The following TMEM117 variants were observed in gnomAD, a reference collection of about 807,000 sequenced individuals.
TMEM117 encodes transmembrane protein 117.
TMEM117 carries 27 observed loss-of-function variants against 52.4 expected under a neutral mutation model. That is an observed-to-expected ratio of 0.51 (90% confidence interval 0.38 to 0.71). The LOEUF is 0.71. TMEM117 is among the 30% of genes least tolerant of loss of function. The pLI, the probability that TMEM117 is intolerant of heterozygous loss-of-function variation, is 0.00. For missense variants in TMEM117, 556 were observed against 630.5 expected (o/e 0.88, Z 1.26); for synonymous variants, 215 against 206.3 (o/e 1.04, Z -0.36).
At chr12:44,144,738 A>T (rs1048428475) in intron 4 of TMEM117, among the ~76,000 whole-genome samples, 4 of 152,228 alleles carry the variant, frequency 2.6e-5, no homozygotes, top group African/African-American at 9.6e-5. Flanking sequence ...ATGTTAACAG[A>T]TTACTGTATG....
intron 3 of TMEM117, among the ~76,000 whole-genome samples, chr12:44,087,718 G>A (rs991469123): frequency 3.9e-5 from 6 of 152,066 alleles, no homozygotes; most frequent in Non-Finnish European, 7.4e-5. Flanking sequence ...ACCCTCCTCG[G>A]CTTTCCAAAG....
chr12:44,262,704 A>G (rs1950333905), intron 5 of TMEM117, among the ~76,000 whole-genome samples: 1 of 152,210 alleles, frequency 6.6e-6, no homozygotes, highest in African/African-American at 2.4e-5. Context: ...CTCCTGCCTC[A>G]GCCTCCTGAG....
chr12:44,344,306 C>T (rs1056056153), intron 6 of TMEM117, among the ~76,000 whole-genome samples: 7 of 152,106 alleles, frequency 4.6e-5, no homozygotes, highest in African/African-American at 1.7e-4. Flanking sequence ...ACTGAACAGA[C>T]ACCCAGGGCT....
chr12:44,351,698 C>T (rs182570843), intron 6 of TMEM117, among the ~76,000 whole-genome samples: 7 of 151,784 alleles, frequency 4.6e-5, no homozygotes, highest in African/African-American at 1.4e-4. Context: ...TATAGAAATC[C>T]GATTTGAGTT....
chr12:44,144,943 G>A (rs1449941222), intron 4 of TMEM117, among the ~76,000 whole-genome samples: 3 of 152,166 alleles, frequency 2.0e-5, no homozygotes, highest in African/African-American at 7.2e-5. Context: ...GGATCATGAG[G>A]TCAGGAGATC....
At chr12:44,367,057 G>A (rs2138824446) in intron 6 of TMEM117, among the ~76,000 whole-genome samples, 1 of 152,258 alleles carries the variant, frequency 6.6e-6, no homozygotes, top group Non-Finnish European at 1.5e-5. Context: ...AATATTAAAA[G>A]GGAATCTCAC....
At chr12:44,318,101 G>A (rs78351539) in intron 6 of TMEM117, among the ~76,000 whole-genome samples, 7,309 of 152,278 alleles carry the variant, frequency 0.048, 361 homozygotes, top group African/African-American at 0.12. Flanking sequence ...TCCTGGGCAT[G>A]TAGCATAGGG....
chr12:43,946,377 TG>T (rs1443167553), intron 3 of TMEM117, among the ~76,000 whole-genome samples: 395 of 19,742 alleles, frequency 0.02, 9 homozygotes, highest in East Asian at 0.17. Flanking sequence ...GATATAATTC[TG>T]TTTTTTTTTT....
intron 3 of TMEM117, among the ~76,000 whole-genome samples, chr12:43,996,383 C>G (rs1946030235): frequency 6.6e-6 from 1 of 152,116 alleles, no homozygotes; most frequent in Non-Finnish European, 1.5e-5. Flanking sequence ...GTGGCTCACA[C>G]CTGTAATCCC....
intron 2 of TMEM117, among the ~76,000 whole-genome samples, chr12:43,910,187 A>G (rs547275158): frequency 6.6e-6 from 1 of 150,872 alleles, no homozygotes; most frequent in African/African-American, 2.4e-5. Context: ...AGGCTGGTTC[A>G]ATATATGCAA....
At chr12:44,291,991 C>A (rs556862804) in intron 5 of TMEM117, among the ~76,000 whole-genome samples, 12 of 151,976 alleles carry the variant, frequency 7.9e-5, no homozygotes, top group Admixed American at 2.0e-4. Flanking sequence ...CAGAATAATG[C>A]TAGCTTCTTA....
the TMEM117 span, among the ~76,000 whole-genome samples, chr12:43,798,985 GAGTTCATAGA>G: frequency 9.0e-4 from 137 of 152,130 alleles, no homozygotes; most frequent in Admixed American, 2.6e-3. Flanking sequence ...TATTCAAGTA[GAGTTCATAGA>G]AGTTAATTTG....
At chr12:44,208,392 G>T (rs528998222) in intron 4 of TMEM117, among the ~76,000 whole-genome samples, 70 of 152,202 alleles carry the variant, frequency 4.6e-4, no homozygotes, top group Non-Finnish European at 6.3e-4. Context: ...AGAAAGATTT[G>T]CAATTTCAAA....
chr12:44,029,541 G>A (rs1946599011), intron 3 of TMEM117, among the ~76,000 whole-genome samples: 2 of 152,160 alleles, frequency 1.3e-5, no homozygotes, highest in African/African-American at 4.8e-5. Context: ...AGTGTTGGCT[G>A]CAATGGGGGG....
At chr12:43,901,705 C>T (rs920492260) in intron 2 of TMEM117, among the ~76,000 whole-genome samples, 11 of 152,242 alleles carry the variant, frequency 7.2e-5, no homozygotes, top group Middle Eastern at 3.4e-3. Flanking sequence ...AGCATCACAG[C>T]GCTACTAACC....
chr12:43,990,143 T>A (rs1945914283), intron 3 of TMEM117, among the ~76,000 whole-genome samples: 1 of 152,146 alleles, frequency 6.6e-6, no homozygotes, highest in Admixed American at 6.5e-5. Context: ...TAAAGATAGT[T>A]CTTGAAGTAG....
intron 3 of TMEM117, among the ~76,000 whole-genome samples, chr12:44,084,273 T>C (rs1947530565): frequency 6.6e-6 from 1 of 152,180 alleles, no homozygotes; most frequent in African/African-American, 2.4e-5. Flanking sequence ...ATTTATATTA[T>C]ACTTGTACTT....
intron 3 of TMEM117, among the ~76,000 whole-genome samples, chr12:44,036,599 G>A (rs1252747692): frequency 1.3e-5 from 2 of 152,132 alleles, no homozygotes; most frequent in African/African-American, 4.8e-5. Context: ...GTATTCTGTT[G>A]AAGGAAAATA....
At chr12:44,124,594 TGAGA>T (rs1948291871) in intron 3 of TMEM117, among the ~76,000 whole-genome samples, 1 of 152,202 alleles carries the variant, frequency 6.6e-6, no homozygotes, top group Non-Finnish European at 1.5e-5. Context: ...CCTAGTTTAT[TGAGA>T]GTTTTTAACG....
Sources: allele counts gnomAD v4.1 joint callset (sites outside exome capture counted in the v4.1 genomes callset), GRCh38; gene constraint gnomAD v4.1.1; transcripts MANE v1.5; gene names NCBI Gene and HGNC (gene_info 2026-07-23, HGNC 2026-07-21).